The following ZNF831 variants were observed in gnomAD, a reference collection of about 807,000 sequenced individuals.
ZNF831 encodes chromosome 20 open reading frame 174.
ZNF831 carries 59 observed loss-of-function variants against 95.8 expected under a neutral mutation model. The observed-to-expected ratio is 0.62, with a 90% CI of 0.50 to 0.77. The LOEUF is 0.77. Ranked by LOEUF, ZNF831 falls within the 30% of genes least tolerant of loss-of-function variation. ZNF831 has a pLI of 0.00. For missense variants in ZNF831, 2,205 were observed against 2,164.0 expected, an observed-to-expected ratio of 1.02 and a Z score of -0.38; for synonymous variants, 961 against 925.5, an observed-to-expected ratio of 1.04 and a Z score of -0.70.
At chr20:59,213,402 T>C (rs1001189193) in intron 4 of ZNF831, among the ~76,000 whole-genome samples, 4 of 152,192 alleles carry the variant, frequency 2.6e-5, no homozygotes, top group Non-Finnish European at 4.4e-5. Context: ...TGTGAAATTG[T>C]GGTATTGCGA....
intron 3 of ZNF831, among the ~76,000 whole-genome samples, chr20:59,197,596 A>G (rs984210943): frequency 9.2e-5 from 14 of 152,294 alleles, no homozygotes; most frequent in African/African-American, 2.9e-4. Flanking sequence ...CGTGGCCCCC[A>G]GAGCAGGCTT....
chr20:59,222,589 G>A (rs1986157707), intron 4 of ZNF831, among the ~76,000 whole-genome samples: 1 of 152,100 alleles, frequency 6.6e-6, no homozygotes, highest in African/African-American at 2.4e-5. Context: ...CCTCTGGTGG[G>A]GGTTAAAAAA....
At chr20:59,129,086 C>T (rs1285297974) in intron 1 of ZNF831, among the ~76,000 whole-genome samples, 2 of 152,160 alleles carry the variant, frequency 1.3e-5, no homozygotes, top group Admixed American at 1.3e-4. Context: ...ATTTTAGACT[C>T]ACAGGAAGTT....
intron 1 of ZNF831, among the ~76,000 whole-genome samples, chr20:59,138,674 C>T (rs1321710805): frequency 1.3e-5 from 2 of 152,226 alleles, no homozygotes; most frequent in Admixed American, 1.3e-4. Flanking sequence ...GCTTTTAGAA[C>T]CCTGTGGAAG....
chr20:59,180,320 T>A (rs1982513543), intron 1 of ZNF831, among the ~76,000 whole-genome samples: 1 of 152,196 alleles, frequency 6.6e-6, no homozygotes, highest in African/African-American at 2.4e-5. Flanking sequence ...GCTCCCAGGC[T>A]CAAGCACAGA....
intron 1 of ZNF831, among the ~76,000 whole-genome samples, chr20:59,138,085 G>A (rs1352946429): frequency 1.3e-5 from 2 of 152,202 alleles, no homozygotes; most frequent in African/African-American, 2.4e-5. Context: ...CACATTAGAT[G>A]TATTATTTTA....
intron 1 of ZNF831, among the ~76,000 whole-genome samples, chr20:59,184,580 T>A (rs1332531304): frequency 6.6e-6 from 1 of 152,112 alleles, no homozygotes; most frequent in South Asian, 2.1e-4. Flanking sequence ...GGGGACTGAG[T>A]AACAGCGTAA....
intron 1 of ZNF831, among the ~76,000 whole-genome samples, chr20:59,176,316 G>A (rs1982153355): frequency 6.6e-6 from 1 of 152,228 alleles, no homozygotes; most frequent in South Asian, 2.1e-4. Flanking sequence ...GAGGCTGGAG[G>A]TGGAGGAAGG....
chr20:59,168,639 T>G (rs1981484835), intron 1 of ZNF831, among the ~76,000 whole-genome samples: 1 of 152,214 alleles, frequency 6.6e-6, no homozygotes, highest in Admixed American at 6.5e-5. Context: ...TGAATGAGAG[T>G]GATGAGAGTG....
rs1369555084 is a variant in ZNF831, at chr20:59,254,139, C to T, written c.4430C>T (p.Ser1477Phe). 6.2e-7 allele frequency: 1 copy of T among 1,614,070 alleles called. No homozygotes were observed. The highest frequency in any genetic ancestry group is 8.5e-7 in the Non-Finnish European group (1 of 1,180,018). ...GCTCAAAGGCCTTCTTCCTTTGGGTCCAAAGGAACTTTTCCCCACCATGAC... is the reference window on the plus strand; with the variant it reads ...GCTCAAAGGCCTTCTTCCTTTGGGTTCAAAGGAACTTTTCCCCACCATGAC... ...SDAQRPSSFG[S>F]KGTFPHHDIA... is the part of the protein sequence containing the mutation. The change falls in exon 6 of 6, where the codon TCC becomes TTC. Residue 1477 changes from serine (S) to phenylalanine (F), a missense_variant. Physicochemically the swap from Ser to Phe is radical, Grantham distance 155 (BLOSUM62 -2). Transcript: ENST00000371030. The surrounding 1 kb of genome is among the most constrained non-coding windows in gnomAD (Gnocchi z 4.5).
chr20:59,219,148 AATGCAATTAGGT>A (rs1431333739), intron 4 of ZNF831, among the ~76,000 whole-genome samples: 5 of 152,176 alleles, frequency 3.3e-5, no homozygotes, highest in Non-Finnish European at 5.9e-5. Context: ...CTCATGGCTT[AATGCAATTAGGT>A]ATGCATTTGT....
Position 59,254,334 on chromosome 20 carries a change from T to A in ZNF831, c.4625T>A (p.Leu1542His), listed in dbSNP as rs1055164954. 6.2e-7 allele frequency: 1 copy of A among 1,614,036 alleles called. No individual in the cohort carries two copies. The highest frequency in any genetic ancestry group is 8.5e-7 in the Non-Finnish European group (1 of 1,180,020). ...KVTEEGRAQT[L>H]LPGRPSSGQR... ...ACAGAAGAGGGCAGAGCACAGACCC[T>A]CTTGCCAGGGAGACCTTCATCTGGA... is the stretch of plus-strand genomic sequence containing the variant. The change falls in exon 6 of 6, where the codon CTC (leucine) becomes CAC (histidine). Residue 1542 changes from leucine (L) to histidine (H), a missense_variant. By Grantham distance (99) the Leu-to-His change is moderately conservative. Transcript: ENST00000371030. The surrounding 1 kb of genome is among the most constrained non-coding windows in gnomAD (Gnocchi z 4.5).
rs189384123 is a variant in ZNF831, at chr20:59,145,190, G to A, written c.-1424-1041G>A. 1.0e-3 allele frequency among the ~76,000 whole-genome samples: 158 copies of A among 152,232 alleles called. 1 individual carries two copies. The highest frequency in any genetic ancestry group is 3.0e-3 in the African/African-American group (125 of 41,518). ...TGTCCTTAGATGGTGAACTTTGACC[G>A]GACCCTTTCCCCACATGTATCCTTT... On this transcript the variant is annotated intron_variant, in intron 1 of 7. Coordinates refer to the ZNF831 transcript ENST00000637017.
chr20:59,133,855 C>T (rs779010959), intron 1 of ZNF831, among the ~76,000 whole-genome samples: 14 of 152,216 alleles, frequency 9.2e-5, no homozygotes, highest in Non-Finnish European at 7.3e-5. Flanking sequence ...ACTTGACTTC[C>T]ATGCTGCTCA....
At chr20:59,239,784 ATCCG>A (rs1987217033) in intron 4 of ZNF831, among the ~76,000 whole-genome samples, 2 of 152,134 alleles carry the variant, frequency 1.3e-5, no homozygotes, top group South Asian at 4.1e-4. Context: ...ACCTCAGGCG[ATCCG>A]CCCACCTTGG....
At position 59,217,160 on chromosome 20, in the gene ZNF831, C is replaced by CTGTG. The variant is rs1342165265; in HGVS notation, c.4027+10105_4027+10106insGTGT. ...TGGAGTACATCTGACAGATCTTCATCTCTGTGTGTGTGTGTGTGTGTGTGT... is the reference window on the plus strand; with the variant it reads ...TGGAGTACATCTGACAGATCTTCATCTGTGTCTGTGTGTGTGTGTGTGTGTGTGT... On this transcript the variant is annotated intron_variant, in intron 4 of 5. Coordinates refer to ENST00000371030, the MANE Select transcript of ZNF831 (RefSeq NM_178457.3). This position sits in a 1 kb window ranked among gnomAD's most constrained non-coding sequence, Gnocchi z 4.4. Among the ~76,000 whole-genome samples the CTGTG allele has an allele frequency of 1.2e-3, 142 of 114,786 alleles. No homozygotes were observed. The highest frequency in any genetic ancestry group is 6.0e-3 in the African/African-American group (135 of 22,338). The allele number at this position is 114,786 out of a possible 152,430, so 75.3% of individuals were successfully genotyped here.
intron 1 of ZNF831, among the ~76,000 whole-genome samples, chr20:59,141,012 G>T (rs1017939598): frequency 6.6e-6 from 1 of 152,136 alleles, no homozygotes; most frequent in Non-Finnish European, 1.5e-5. Context: ...CAATTCTTCT[G>T]CCTCAGCCTC....
Position 59,190,988 on chromosome 20 carries a change from T to C in ZNF831, c.-32T>C, listed in dbSNP as rs2146541255. The C allele has an allele frequency of 1.4e-6, 2 of 1,465,618 alleles. No homozygotes were observed. Among genetic ancestry groups the C allele is most frequent in the Non-Finnish European group, 1.8e-6 (2 of 1,117,584 alleles). The allele number at this position is 1,465,618 out of a possible 1,614,324, so 90.8% of individuals were successfully genotyped here. On this transcript the variant is annotated 5_prime_UTR_variant, in exon 2 of 6. Coordinates refer to ENST00000371030, the MANE Select transcript of ZNF831 (RefSeq NM_178457.3). ...AAGTTTGGTTGTTGTCTGCAGGTTTTCCAGCATTGTGGGCCATCCAGATGA... is the reference window on the plus strand; with the variant it reads ...AAGTTTGGTTGTTGTCTGCAGGTTTCCCAGCATTGTGGGCCATCCAGATGA...
chr20:59,194,208 C>T lies in ZNF831; in HGVS notation c.3189C>T (p.His1063=), dbSNP rs1983881696. The part of the protein sequence containing the change: ...SSPPTPTCEA[H]LVQDMEGDSH... ...CGCCCACTCCAACGTGTGAGGCACA[C>T]TTAGTTCAGGACATGGAGGGTGACA... The change falls in exon 2 of 6, where the codon CAC becomes CAT. Residue 1063 remains histidine, a synonymous_variant. Coordinates refer to ENST00000371030, the MANE Select transcript of ZNF831 (RefSeq NM_178457.3). 1 of 1,612,236 alleles carries T rather than the reference C, an allele frequency of 6.2e-7. No homozygotes were observed. The highest frequency in any genetic ancestry group is 1.3e-5 in the African/African-American group (1 of 74,938).
Sources: allele counts gnomAD v4.1 joint callset (sites outside exome capture counted in the v4.1 genomes callset), GRCh38; gene constraint gnomAD v4.1.1; non-coding constraint Gnocchi (gnomAD v3.1); transcripts MANE v1.5; gene names NCBI Gene and HGNC (gene_info 2026-07-23, HGNC 2026-07-21).